POF1B: variants seen among roughly 807,000 people sequenced by gnomAD.
POF1B encodes the protein POF1B actin binding protein.
Under a neutral mutation model 55.3 loss-of-function variants are expected in POF1B, and 53 were observed. The observed-to-expected ratio is 0.96, with a 90% CI of 0.77 to 1.20. The LOEUF (loss-of-function observed/expected upper bound fraction) is 1.20, where lower values mean the gene tolerates loss of function less well. Ranked by LOEUF, POF1B falls within the 50% of genes most tolerant of loss-of-function variation. The pLI is 0.00. For synonymous variants in POF1B, 188 were observed against 148.3 expected (o/e 1.27, Z -1.95); for missense variants, 478 against 420.5 (o/e 1.14, Z -1.20).
chrX:85,337,463 T>C (rs1361194487), intron 6 of POF1B, among the ~76,000 whole-genome samples: 1 of 111,870 alleles, frequency 8.9e-6, no homozygotes, highest in Non-Finnish European at 1.9e-5. Flanking sequence ...TTGGTTCTTA[T>C]GAAGAAGCTT....
chrX:85,368,948 T>C lies in POF1B; in HGVS notation c.283-1182A>G, dbSNP rs745765080. ...AGGGAACTATTAAAAATCAGAATCA[T>C]TAATTTACAAGGGAAACACTGACAG... On this transcript the variant is annotated intron_variant, in intron 2 of 16. Coordinates refer to ENST00000262753, the MANE Select transcript of POF1B (RefSeq NM_024921.4). Among the ~76,000 whole-genome samples, 6 of 111,864 alleles carry C rather than the reference T, an allele frequency of 5.4e-5. No individual in the cohort carries two copies. In the South Asian group the frequency reaches 1.5e-3, roughly 28 times the overall value.
chrX:85,337,645 T>G lies in POF1B; in HGVS notation c.724-6566A>C, dbSNP rs141117677. Among the ~76,000 whole-genome samples the G allele has an allele frequency of 3.9e-3, 434 of 111,843 alleles. 1 individual carries two copies. The highest frequency in any genetic ancestry group is 0.013 in the African/African-American group (411 of 30,868). On this transcript the variant is annotated intron_variant, in intron 6 of 16. Coordinates refer to ENST00000262753, the MANE Select transcript of POF1B (RefSeq NM_024921.4). ...TGAATGTACTGTACAATAGTCACAA[T>G]TCTAAAATGAAGACTTCTTTATAAC...
Position 85,378,880 on chromosome X carries a change from T to C in POF1B, c.282+293A>G, listed in dbSNP as rs761218242. ...ACTCAAGTTGAGAACTGCTTTGCAGTAGGGGCAAAGGGATTCCTTGGATCA... is the reference window on the plus strand; with the variant it reads ...ACTCAAGTTGAGAACTGCTTTGCAGCAGGGGCAAAGGGATTCCTTGGATCA... On this transcript the variant is annotated intron_variant, in intron 2 of 16. Transcript: ENST00000262753. Among the ~76,000 whole-genome samples, 33 of 112,269 alleles carry C rather than the reference T, an allele frequency of 2.9e-4. 1 individual carries two copies. The highest frequency in any genetic ancestry group is 4.5e-4 in the Non-Finnish European group (24 of 53,304).
At position 85,308,124 on chromosome X, in the gene POF1B, T is replaced by C. The variant is rs1336834630; in HGVS notation, c.1050A>G (p.Thr350=). Reference sequence around the variant, plus strand: ...TGGAAAAAATCAAAATAAATCTTACTGTCATATCATTTTGAAGATGTCCAA... The same window carrying C: ...TGGAAAAAATCAAAATAAATCTTACCGTCATATCATTTTGAAGATGTCCAA... ...EELGHLQNDM[T]SLENDKMRLE... The change falls in exon 10 of 17, where the codon ACA becomes ACG. Residue 350 remains threonine (T), a splice_region_variant and synonymous_variant. Coordinates refer to ENST00000262753, the MANE Select transcript of POF1B (RefSeq NM_024921.4). The C allele has an allele frequency of 1.7e-6, 2 of 1,155,133 alleles. No individual in the cohort carries two copies. The highest frequency in any genetic ancestry group is 2.3e-6 in the Non-Finnish European group (2 of 851,516).
At chrX:85,350,703 A>G (rs1933365237) in intron 5 of POF1B, among the ~76,000 whole-genome samples, 1 of 111,214 alleles carries the variant, frequency 9.0e-6, no homozygotes, top group Non-Finnish European at 1.9e-5. Flanking sequence ...TTCTCAAAAG[A>G]AGACATTTAT....
chrX:85,352,960 T>A (rs1001326176), intron 4 of POF1B, among the ~76,000 whole-genome samples: 17 of 111,459 alleles, frequency 1.5e-4, no homozygotes, highest in African/African-American at 5.2e-4. Context: ...AAAATATTTG[T>A]TATCTGTTTC....
intron 7 of POF1B, among the ~76,000 whole-genome samples, chrX:85,323,512 G>T: frequency 9.2e-6 from 1 of 108,203 alleles, no homozygotes; most frequent in African/African-American, 3.4e-5. Flanking sequence ...GAGTTAATGG[G>T]TGCAGCACAC....
At chrX:85,328,999 G>T (rs764173435) in intron 7 of POF1B, among the ~76,000 whole-genome samples, 2 of 111,313 alleles carry the variant, frequency 1.8e-5, no homozygotes, top group Non-Finnish European at 3.8e-5. Flanking sequence ...TTAATGCACC[G>T]AAGTAGAGCA....
At chrX:85,328,838 A>C (rs1347285152) in intron 7 of POF1B, among the ~76,000 whole-genome samples, 1 of 109,318 alleles carries the variant, frequency 9.1e-6, no homozygotes, top group Non-Finnish European at 1.9e-5. Context: ...TATGTAAAAA[A>C]AAAAAACAAA....
chrX:85,331,253 C>A (rs757452605), intron 6 of POF1B, among the ~76,000 whole-genome samples, 174 bp from the exon 7 acceptor site: 1 of 111,324 alleles, frequency 9.0e-6, no homozygotes, highest in Non-Finnish European at 1.9e-5. Context: ...ATCAACATTG[C>A]AATGGCAATT....
chrX:85,283,444 G>A (rs1931955228), intron 15 of POF1B, among the ~76,000 whole-genome samples: 1 of 110,381 alleles, frequency 9.1e-6, no homozygotes, highest in African/African-American at 3.3e-5. Context: ...ATTAGGTGGA[G>A]TTAACAGCAG....
intron 2 of POF1B, among the ~76,000 whole-genome samples, chrX:85,376,438 A>G (rs929882481): frequency 1.8e-5 from 2 of 111,723 alleles, no homozygotes; most frequent in African/African-American, 3.2e-5. Flanking sequence ...TCTAAAATGC[A>G]TCTGAGACCT....
chrX:85,300,707 A>C (rs1292768255), intron 15 of POF1B, among the ~76,000 whole-genome samples: 1 of 111,986 alleles, frequency 8.9e-6, no homozygotes, highest in African/African-American at 3.2e-5. Context: ...ACTTGAAACT[A>C]TCCATTAAGA....
At chrX:85,377,116 A>G (rs1348470597) in intron 2 of POF1B, among the ~76,000 whole-genome samples, 1 of 111,847 alleles carries the variant, frequency 8.9e-6, no homozygotes, top group Non-Finnish European at 1.9e-5. Context: ...CTTTATTGAA[A>G]CATAAAGTGA....
chrX:85,305,191 ATTATT>A (rs1932543099), intron 13 of POF1B, among the ~76,000 whole-genome samples: 1 of 111,570 alleles, frequency 9.0e-6, no homozygotes, highest in Non-Finnish European at 1.9e-5. Context: ...CAAATTTGTG[ATTATT>A]TTGTTTATTA....
intron 16 of POF1B, among the ~76,000 whole-genome samples, chrX:85,280,726 A>G (rs1603016596): frequency 9.0e-6 from 1 of 111,274 alleles, no homozygotes; most frequent in East Asian, 2.9e-4. Flanking sequence ...TAGAATCCTC[A>G]AACATTTCTC....
chrX:85,364,740 T>G (rs763714518), intron 3 of POF1B, among the ~76,000 whole-genome samples: 3 of 111,561 alleles, frequency 2.7e-5, no homozygotes, highest in Non-Finnish European at 5.6e-5. Context: ...AGGATGATCT[T>G]CTTGTGTAGA....
intron 15 of POF1B, among the ~76,000 whole-genome samples, chrX:85,282,621 A>C (rs986157476): frequency 2.7e-5 from 3 of 110,919 alleles, no homozygotes; most frequent in Non-Finnish European, 5.7e-5. Context: ...TGCCTAGCTC[A>C]CTGCCTGGAG....
rs1453520228 is a variant in POF1B at position 85,340,656 on chromosome X, T to C, written c.723+5204A>G. Among the ~76,000 whole-genome samples the C allele has an allele frequency of 3.6e-5, 4 of 110,728 alleles. No homozygotes were observed. In the South Asian group the frequency reaches 1.1e-3, roughly 32 times the overall value. ...TTGGTGAAGTTCTTATAGATGATTC[T>C]AGATTCAGTAGGAAGTGGAGAGAAG... On this transcript the variant is annotated intron_variant, in intron 6 of 16. Transcript: ENST00000262753.
Sources: allele counts gnomAD v4.1 joint callset (sites outside exome capture counted in the v4.1 genomes callset), GRCh38; gene constraint gnomAD v4.1.1; transcripts MANE v1.5; gene names NCBI Gene and HGNC (gene_info 2026-07-23, HGNC 2026-07-21).